Variants in NCK1 observed in about 807,000 individuals in gnomAD.
NCK1 encodes the protein NCK adaptor protein 1.
A neutral mutation model predicts 36.6 loss-of-function variants in NCK1; 19 were observed. The ratio of observed to expected loss-of-function variants is 0.52; its 90% CI spans 0.36 to 0.76. The LOEUF (loss-of-function observed/expected upper bound fraction) is 0.76. NCK1 is among the 30% of genes least tolerant of loss of function. The pLI is 0.00. For synonymous variants in NCK1, 165 were observed against 156.0 expected (o/e 1.06, Z -0.43); for missense variants, 358 against 445.6 (o/e 0.80, Z 1.77).
chr3:136,867,247 CCGTCTG>C (rs1938476129), intron 1 of NCK1, among the ~76,000 whole-genome samples: 1 of 62,966 alleles, frequency 1.6e-5, no homozygotes, highest in Non-Finnish European at 3.8e-5. Flanking sequence ...GTCTGTCCGT[CCGTCTG>C]TCTCTCTCTC....
At chr3:136,894,919 C>A (rs1237074814) in intron 1 of NCK1, among the ~76,000 whole-genome samples, 1 of 152,048 alleles carries the variant, frequency 6.6e-6, no homozygotes, top group Non-Finnish European at 1.5e-5. Flanking sequence ...GTTGCCCAGG[C>A]TAGAGTGCAG....
intron 1 of NCK1, among the ~76,000 whole-genome samples, chr3:136,905,735 TC>T (rs1173251765): frequency 3.3e-5 from 5 of 151,944 alleles, no homozygotes; most frequent in Admixed American, 2.0e-4. Context: ...AGGTAATCCC[TC>T]AACCTCAGCT....
intron 1 of NCK1, chr3:136,900,049 G>T: frequency 1.7e-6 from 1 of 574,346 alleles, no homozygotes; most frequent in Non-Finnish European, 3.2e-6. Flanking sequence ...TAATTGATTG[G>T]TTTCTTACAT....
chr3:136,892,344 T>A (rs1939268762), intron 1 of NCK1, among the ~76,000 whole-genome samples: 1 of 152,242 alleles, frequency 6.6e-6, no homozygotes, highest in Non-Finnish European at 1.5e-5. Context: ...ACAAAGTATG[T>A]TAAAAAGATC....
intron 1 of NCK1, among the ~76,000 whole-genome samples, chr3:136,916,365 T>G (rs574025462): frequency 6.6e-6 from 1 of 152,332 alleles, no homozygotes; most frequent in Admixed American, 6.5e-5. Context: ...TATTTCAGGT[T>G]AACACAGGTT....
intron 1 of NCK1, among the ~76,000 whole-genome samples, chr3:136,875,286 A>G (rs993212590): frequency 1.1e-4 from 16 of 152,086 alleles, no homozygotes; most frequent in East Asian, 3.9e-4. Context: ...GGCTGAGACA[A>G]TGGGGTTTTC....
intron 1 of NCK1, among the ~76,000 whole-genome samples, chr3:136,913,860 G>A (rs1939892517): frequency 1.3e-5 from 2 of 152,108 alleles, no homozygotes; most frequent in African/African-American, 4.8e-5. Flanking sequence ...ATTAGAGACG[G>A]GGTTTCACCG....
chr3:136,865,191 C>CAA (rs1288158800), intron 1 of NCK1, among the ~76,000 whole-genome samples: 1 of 151,910 alleles, frequency 6.6e-6, no homozygotes, highest in Non-Finnish European at 1.5e-5. Context: ...CTCCTGACCT[C>CAA]GTGATCCACC....
At chr3:136,887,102 C>G (rs1055808515) in intron 1 of NCK1, among the ~76,000 whole-genome samples, 5 of 152,114 alleles carry the variant, frequency 3.3e-5, no homozygotes, top group African/African-American at 1.2e-4. Flanking sequence ...CTTTGGCCTC[C>G]CAAAGTGCTG....
intron 1 of NCK1, among the ~76,000 whole-genome samples, chr3:136,862,828 C>T (rs940743635): frequency 4.6e-5 from 7 of 152,216 alleles, no homozygotes; most frequent in African/African-American, 7.2e-5. Context: ...CGCGGTGCTG[C>T]GGGTGGACAT....
At chr3:136,881,428 C>A (rs1008579098) in intron 1 of NCK1, among the ~76,000 whole-genome samples, 1 of 152,104 alleles carries the variant, frequency 6.6e-6, no homozygotes, top group Non-Finnish European at 1.5e-5. Context: ...CCATATTGGC[C>A]AGGCTGGTCT....
rs1940911031 is a variant in NCK1 at position 136,949,220 on chromosome 3, T to G, written c.*767T>G. The stretch of plus-strand genomic sequence containing the variant: ...TAAATAGATGCTCTAGTGTTATTTA[T>G]TTTTTTAATCCCACTTGTATTATTT... On this transcript the variant is annotated 3_prime_UTR_variant, in exon 4 of 4. Transcript: ENST00000481752. 1 of 152,022 alleles carries G rather than the reference T, an allele frequency of 6.6e-6. No individual in the cohort carries two copies. Among genetic ancestry groups the G allele is most frequent in the Admixed American group, 6.5e-5 (1 of 15,272 alleles). The allele number at this position is 152,022 out of a possible 1,614,324, so 9.4% of individuals were successfully genotyped here. A position where few individuals can be genotyped will look rare whatever the true frequency, so the allele number is the denominator to read the frequency against.
intron 1 of NCK1, among the ~76,000 whole-genome samples, chr3:136,923,441 G>A (rs1195246988): frequency 1.3e-5 from 2 of 151,856 alleles, no homozygotes; most frequent in Non-Finnish European, 2.9e-5. Context: ...CTGTAGTCCC[G>A]GCTACTCGGA....
chr3:136,894,192 G>A (rs1450216941), intron 1 of NCK1, among the ~76,000 whole-genome samples: 1 of 152,128 alleles, frequency 6.6e-6, no homozygotes, highest in African/African-American at 2.4e-5. Context: ...TTTAGGCTCC[G>A]TGAACCCCTA....
At chr3:136,889,603 A>G (rs62410438) in intron 1 of NCK1, among the ~76,000 whole-genome samples, 30,383 of 151,934 alleles carry the variant, frequency 0.2, 3,203 homozygotes, top group Middle Eastern at 0.24. Context: ...CCCCACCCAC[A>G]TGCTGCTGAT....
intron 1 of NCK1, among the ~76,000 whole-genome samples, chr3:136,883,462 T>C (rs1185471848): frequency 2.6e-5 from 4 of 152,226 alleles, no homozygotes; most frequent in African/African-American, 9.7e-5. Context: ...AAATTTTTTT[T>C]TCTCTAACTA....
chr3:136,917,317 G>C (rs889128631), intron 1 of NCK1, among the ~76,000 whole-genome samples: 1 of 151,888 alleles, frequency 6.6e-6, no homozygotes, highest in African/African-American at 2.4e-5. Flanking sequence ...ATGATCCAGG[G>C]AAACCAAAAG....
At chr3:136,883,364 C>G (rs1938995742) in intron 1 of NCK1, among the ~76,000 whole-genome samples, 1 of 152,126 alleles carries the variant, frequency 6.6e-6, no homozygotes. Flanking sequence ...CTCCTGGAAC[C>G]TATGTACTTT....
At chr3:136,944,112 C>CTTTTTTTTT (rs72327296) in intron 2 of NCK1, among the ~76,000 whole-genome samples, 3 of 43,780 alleles carry the variant, frequency 6.9e-5, no homozygotes, top group Non-Finnish European at 9.3e-5. Context: ...GAAAAACAAC[C>CTTTTTTTTT]TTTTTTTTTT....
Sources: gnomAD v4.1 joint callset for allele counts (sites outside exome capture counted in the v4.1 genomes callset) on GRCh38, gnomAD v4.1.1 for gene constraint, MANE v1.5 for transcripts, NCBI Gene and HGNC (gene_info 2026-07-23, HGNC 2026-07-21) for gene names.